Variants in FANCB observed in about 807,000 individuals in gnomAD.
FANCB encodes Fanconi anemia group B protein.
A neutral mutation model predicts 38.9 loss-of-function variants in FANCB; 5 were observed. That is an observed-to-expected ratio of 0.13 (90% CI 0.07 to 0.27). The LOEUF is 0.27. Among genes scored for constraint, FANCB ranks in the 10% least tolerant of loss-of-function variants. The pLI is 1.00. For missense variants in FANCB, 573 were observed against 602.7 expected, an observed-to-expected ratio of 0.95 and a Z score of 0.52; for synonymous variants, 236 against 215.4, an observed-to-expected ratio of 1.10 and a Z score of -0.84.
At chrX:14,823,165 C>A in the FANCB span, among the ~76,000 whole-genome samples, 2 of 101,198 alleles carry the variant, frequency 2.0e-5, no homozygotes, top group African/African-American at 7.3e-5. Flanking sequence ...TCACTGCAAC[C>A]TCAGCCTTCC....
chrX:14,724,626 C>CAAAAAAAAAA, the FANCB span, among the ~76,000 whole-genome samples: 23 of 49,577 alleles, frequency 4.6e-4, 1 homozygote, highest in East Asian at 1.9e-3. Context: ...AACTCTGTCT[C>CAAAAAAAAAA]AAAAAAAAAA....
At chrX:14,850,211 A>C (rs2092394865) in intron 7 of FANCB, among the ~76,000 whole-genome samples, 1 of 111,165 alleles carries the variant, frequency 9.0e-6, no homozygotes, top group Admixed American at 9.5e-5. Context: ...CTAGCCGGGC[A>C]TGATGGTGCG....
At chrX:14,690,659 TTCTCTCTC>T in the FANCB span, 3 of 774,729 alleles carry the variant, frequency 3.9e-6, no homozygotes, top group Admixed American at 2.6e-5. Context: ...TAGTCTTTCT[TTCTCTCTC>T]TCTCTCTCTC....
chrX:14,841,804 T>C (rs993171096), downstream of FANCB, among the ~76,000 whole-genome samples: 3 of 111,635 alleles, frequency 2.7e-5, no homozygotes, highest in Admixed American at 2.8e-4. Flanking sequence ...CTTTTCTAGT[T>C]TGTAGTAAGT....
chrX:14,719,309 A>G, the FANCB span, among the ~76,000 whole-genome samples: 1 of 112,067 alleles, frequency 8.9e-6, no homozygotes, highest in Non-Finnish European at 1.9e-5. Context: ...TCATCCAATA[A>G]GGGATCAATA....
At chrX:14,840,825 C>A (rs2092353029), downstream of FANCB, among the ~76,000 whole-genome samples, 1 of 111,666 alleles carries the variant, frequency 9.0e-6, no homozygotes, top group Non-Finnish European at 1.9e-5. Context: ...TACGGTTGTC[C>A]AGCATAGTTG....
chrX:14,749,302 T>C, the FANCB span, among the ~76,000 whole-genome samples: 1 of 111,347 alleles, frequency 9.0e-6, no homozygotes, highest in Admixed American at 9.6e-5. Flanking sequence ...GCATCAGAAT[T>C]TGGGAAACTT....
the FANCB span, among the ~76,000 whole-genome samples, chrX:14,797,172 T>C: frequency 1.8e-5 from 2 of 111,582 alleles, no homozygotes; most frequent in Non-Finnish European, 3.8e-5. Flanking sequence ...AAATTAACCA[T>C]CACAAAGACC....
the FANCB span, among the ~76,000 whole-genome samples, chrX:14,791,383 G>T: frequency 0.027 from 3,050 of 111,600 alleles, 98 homozygotes; most frequent in African/African-American, 0.094. Flanking sequence ...AATTGGGAGA[G>T]AGGACTAGAA....
At chrX:14,841,638 T>A (rs1203225384), downstream of FANCB, among the ~76,000 whole-genome samples, 2 of 112,014 alleles carry the variant, frequency 1.8e-5, no homozygotes, top group African/African-American at 6.5e-5. Flanking sequence ...CAAAACAAAA[T>A]TCATTTTCAA....
chrX:14,763,889 T>G, the FANCB span, among the ~76,000 whole-genome samples: 2 of 111,463 alleles, frequency 1.8e-5, no homozygotes, highest in African/African-American at 6.5e-5. Flanking sequence ...CAAATTGGCT[T>G]TATATATCTT....
the FANCB span, among the ~76,000 whole-genome samples, chrX:14,757,328 T>C: frequency 1.8e-5 from 2 of 111,497 alleles, no homozygotes; most frequent in East Asian, 5.7e-4. Context: ...CCATCAACAG[T>C]TGAATGGGAG....
At chrX:14,852,410 G>A (rs1033518300) in intron 6 of FANCB, among the ~76,000 whole-genome samples, 3 of 110,180 alleles carry the variant, frequency 2.7e-5, no homozygotes, top group Admixed American at 9.7e-5. Context: ...CTCGTGATCC[G>A]CCCGTCTCGG....
Position 14,844,929 on chromosome X carries a change from G to A in FANCB, c.1854C>T (p.Gly618=). The stretch of plus-strand genomic sequence containing the variant: ...GATCTTCTAGACTTAAAAAAACTCT[G>A]CCACACACAACATAACGATCTTTAG... ...NCPKDRYVVC[G]RVFLSLEDLS... The change falls in exon 8 of 10, where the codon GGC becomes GGT. Residue 618 remains glycine, a synonymous_variant. Coordinates refer to ENST00000650831, the MANE Select transcript of FANCB (RefSeq NM_001018113.3). The A allele has an allele frequency of 8.3e-7, 1 of 1,199,938 alleles. No individual in the cohort carries two copies. Among genetic ancestry groups the A allele is most frequent in the Non-Finnish European group, 1.1e-6 (1 of 889,988 alleles).
intron 7 of FANCB, among the ~76,000 whole-genome samples, chrX:14,846,199 T>C (rs1428535351): frequency 9.0e-6 from 1 of 111,680 alleles, no homozygotes; most frequent in African/African-American, 3.3e-5. Flanking sequence ...TACATCATGA[T>C]GTTAAGTAAA....
Position 14,850,676 on chromosome X carries a change from TAAA to T in FANCB, c.1327-5_1327-3del, listed in dbSNP as rs202067682. 1 of 1,059,819 alleles carries T rather than the reference TAAA, an allele frequency of 9.4e-7. No homozygotes were observed. Among genetic ancestry groups the T allele is most frequent in the African/African-American group, 1.9e-5 (1 of 52,633 alleles). 87.3% of individuals were successfully genotyped at this position (1,059,819 alleles called of 1,213,427 possible). ...ACAAAGAGGAACAAGACATTCCTTCTAAAAAAAAAAGTTTAAATAACTGATTAT... is the reference window on the plus strand; with the variant it reads ...ACAAAGAGGAACAAGACATTCCTTCTAAAAAAAGTTTAAATAACTGATTAT... On this transcript the variant is annotated splice_polypyrimidine_tract_variant and splice_region_variant and intron_variant, in intron 6 of 9. Coordinates refer to ENST00000650831, the MANE Select transcript of FANCB (RefSeq NM_001018113.3).
At chrX:14,808,851 A>G in the FANCB span, among the ~76,000 whole-genome samples, 3 of 112,778 alleles carry the variant, frequency 2.7e-5, no homozygotes, top group Non-Finnish European at 5.6e-5. Context: ...GAAGTGATAA[A>G]CAAATTCAGT....
At chrX:14,774,874 C>T in the FANCB span, among the ~76,000 whole-genome samples, 3 of 110,860 alleles carry the variant, frequency 2.7e-5, no homozygotes, top group African/African-American at 9.9e-5. Flanking sequence ...GCTCTGTCGC[C>T]CAGGCTAGCG....
At chrX:14,869,510 C>T (rs1230883712) in intron 1 of FANCB, among the ~76,000 whole-genome samples, 1 of 111,978 alleles carries the variant, frequency 8.9e-6, no homozygotes, top group Non-Finnish European at 1.9e-5. Flanking sequence ...AGGCTGTGAT[C>T]TCTCAGGCTG....
Sources: allele counts gnomAD v4.1 joint callset (sites outside exome capture counted in the v4.1 genomes callset), GRCh38; gene constraint gnomAD v4.1.1; transcripts MANE v1.5; gene names NCBI Gene and HGNC (gene_info 2026-07-23, HGNC 2026-07-21).